Variants in PROS1 observed in about 807,000 individuals in gnomAD.
PROS1 encodes protein S.
PROS1 carries 29 observed loss-of-function variants against 75.9 expected under a neutral mutation model. That is an observed-to-expected ratio of 0.38 (90% CI 0.28 to 0.52). The LOEUF (loss-of-function observed/expected upper bound fraction) is 0.52, where lower values mean the gene tolerates loss of function less well. PROS1 is among the 20% of genes least tolerant of loss of function. The pLI, the probability that PROS1 is intolerant of heterozygous loss-of-function variation, is 0.83. For synonymous variants in PROS1, 245 were observed against 280.6 expected (o/e 0.87, Z 1.27); for missense variants, 680 against 810.3 (o/e 0.84, Z 1.95).
At chr3:93,937,845 A>G (rs1709210686) in intron 1 of PROS1, among the ~76,000 whole-genome samples, 1 of 152,160 alleles carries the variant, frequency 6.6e-6, no homozygotes, top group Non-Finnish European at 1.5e-5. Flanking sequence ...TCCAATATAC[A>G]CACTCAGAGT....
At chr3:93,905,270 G>C (rs545832455) in intron 6 of PROS1, among the ~76,000 whole-genome samples, 1 of 152,054 alleles carries the variant, frequency 6.6e-6, no homozygotes, top group Admixed American at 6.6e-5. Flanking sequence ...GTGTGTACAC[G>C]CACATACAAT....
intron 1 of PROS1, chr3:93,928,897 T>C (rs1319512460): frequency 1.6e-5 from 7 of 425,570 alleles, no homozygotes; most frequent in Non-Finnish European, 2.3e-5. Context: ...ATTTTAAAAA[T>C]TATATTTTTG....
chr3:93,883,457 G>A (rs1177687851), intron 12 of PROS1, among the ~76,000 whole-genome samples: 3 of 152,040 alleles, frequency 2.0e-5, no homozygotes, highest in Middle Eastern at 3.2e-3. Flanking sequence ...AGCAGGGCAT[G>A]GTGGCGCACC....
At chr3:93,970,693 A>T (rs984387857) in intron 1 of PROS1, among the ~76,000 whole-genome samples, 6 of 152,162 alleles carry the variant, frequency 3.9e-5, no homozygotes, top group African/African-American at 1.2e-4. Flanking sequence ...TCTCATACAT[A>T]TATGTATGTA....
chr3:93,878,963 C>T (rs1426110795), intron 13 of PROS1, among the ~76,000 whole-genome samples, 200 bp downstream of exon 13: 1 of 152,098 alleles, frequency 6.6e-6, no homozygotes, highest in African/African-American at 2.4e-5. Context: ...TCATTCAGAC[C>T]TTGGAAACAA....
chr3:93,957,386 T>G (rs893736754), intron 1 of PROS1, among the ~76,000 whole-genome samples: 1 of 152,230 alleles, frequency 6.6e-6, no homozygotes, highest in Non-Finnish European at 1.5e-5. Flanking sequence ...ATCTGTATTT[T>G]CAAATTAGAT....
At chr3:93,904,723 T>C (rs1437848683) in intron 6 of PROS1, among the ~76,000 whole-genome samples, 1 of 152,152 alleles carries the variant, frequency 6.6e-6, no homozygotes, top group Non-Finnish European at 1.5e-5. Flanking sequence ...GTGGGAAATT[T>C]TATTTTTAGT....
chr3:93,935,681 T>C (rs1709171845), intron 1 of PROS1, among the ~76,000 whole-genome samples: 1 of 152,160 alleles, frequency 6.6e-6, no homozygotes, highest in Non-Finnish European at 1.5e-5. Flanking sequence ...GGATATAATT[T>C]ATTTTTTAAA....
intron 7 of PROS1, among the ~76,000 whole-genome samples, chr3:93,899,444 ATTAAAG>A (rs1708552563): frequency 6.6e-6 from 1 of 152,276 alleles, no homozygotes; most frequent in East Asian, 1.9e-4. Flanking sequence ...ATTGCATATT[ATTAAAG>A]TTATAGATAA....
intron 1 of PROS1, among the ~76,000 whole-genome samples, chr3:93,958,918 A>G (rs1006058546): frequency 1.3e-5 from 2 of 152,234 alleles, no homozygotes; most frequent in Non-Finnish European, 2.9e-5. Flanking sequence ...GCATGAAAAC[A>G]GACTAATGGA....
intron 12 of PROS1, among the ~76,000 whole-genome samples, chr3:93,880,797 T>G (rs993534843): frequency 1.3e-5 from 2 of 152,186 alleles, no homozygotes; most frequent in Non-Finnish European, 2.9e-5. Context: ...ATCCATGAAA[T>G]GATTAATTAC....
Position 93,873,947 on chromosome 3 carries a change from T to C in PROS1, c.*298A>G, listed in dbSNP as rs978937469. 9.1e-6 allele frequency: 3 copies of C among 329,260 alleles called. No individual in the cohort carries two copies. Among genetic ancestry groups the C allele is most frequent in the African/African-American group, 6.4e-5 (3 of 47,152 alleles). 20.4% of individuals were successfully genotyped at this position (329,260 alleles called of 1,614,324 possible). On this transcript the variant is annotated 3_prime_UTR_variant, in exon 15 of 15. Transcript: ENST00000394236. The stretch of plus-strand genomic sequence containing the variant: ...GTATTTAGACACTAGTTCATGATGA[T>C]AAAATTAAAATTTAGTTTTACAAAC...
At chr3:93,960,792 T>C (rs1709694893) in intron 1 of PROS1, among the ~76,000 whole-genome samples, 1 of 152,060 alleles carries the variant, frequency 6.6e-6, no homozygotes, top group Admixed American at 6.5e-5. Flanking sequence ...AACTAATACC[T>C]GTAACAGAGG....
intron 1 of PROS1, among the ~76,000 whole-genome samples, chr3:93,973,079 C>A (rs1422447036): frequency 6.6e-6 from 1 of 152,094 alleles, no homozygotes; most frequent in Admixed American, 6.6e-5. Flanking sequence ...GTTAAAAAAT[C>A]CTCAGTACAA....
chr3:93,925,372 T>C (rs1311697369), intron 2 of PROS1, among the ~76,000 whole-genome samples: 2 of 152,070 alleles, frequency 1.3e-5, no homozygotes, highest in African/African-American at 4.8e-5. Flanking sequence ...GATTCAAAGG[T>C]GATATTGCGA....
At chr3:93,898,674 T>C (rs1183458222) in intron 7 of PROS1, 105 bp from the exon 8 acceptor site, 2 of 1,358,358 alleles carry the variant, frequency 1.5e-6, no homozygotes, top group African/African-American at 1.4e-5. Context: ...TCAATGATAA[T>C]CGAACCTTAG....
intron 10 of PROS1, among the ~76,000 whole-genome samples, chr3:93,889,310 T>C (rs900601973): frequency 6.6e-6 from 1 of 152,220 alleles, no homozygotes; most frequent in Non-Finnish European, 1.5e-5. Context: ...ATAAGAGCAC[T>C]GACTTTTTTT....
intron 1 of PROS1, among the ~76,000 whole-genome samples, chr3:93,957,499 G>T (rs1027184441): frequency 1.3e-5 from 2 of 152,108 alleles, no homozygotes; most frequent in Admixed American, 6.6e-5. Flanking sequence ...AGACCCAAAG[G>T]TCTAAATTCC....
At chr3:93,970,238 A>C (rs374278079) in intron 1 of PROS1, among the ~76,000 whole-genome samples, 5 of 152,224 alleles carry the variant, frequency 3.3e-5, no homozygotes, top group African/African-American at 1.2e-4. Context: ...AGTCTAGATA[A>C]GGCCAAATTA....
Sources: gnomAD v4.1 joint callset for allele counts (sites outside exome capture counted in the v4.1 genomes callset) on GRCh38, gnomAD v4.1.1 for gene constraint, MANE v1.5 for transcripts, NCBI Gene and HGNC (gene_info 2026-07-23, HGNC 2026-07-21) for gene names.